STAU2: variants seen among roughly 807,000 people sequenced by gnomAD.
STAU2 encodes the protein double-stranded RNA-binding protein Staufen homolog 2.
A neutral mutation model predicts 65.9 loss-of-function variants in STAU2; 20 were observed. The observed-to-expected ratio is 0.30, with a 90% CI of 0.21 to 0.44. The LOEUF is 0.44. STAU2 is among the 20% of genes least tolerant of loss of function. The pLI is 1.00. For missense variants in STAU2, 558 were observed against 683.9 expected, an observed-to-expected ratio of 0.82 and a Z score of 2.05; for synonymous variants, 232 against 233.9, an observed-to-expected ratio of 0.99 and a Z score of 0.07.
At chr8:73,437,024 A>G (rs1282671316) in intron 13 of STAU2, among the ~76,000 whole-genome samples, 2 of 152,196 alleles carry the variant, frequency 1.3e-5, no homozygotes, top group Non-Finnish European at 2.9e-5. Flanking sequence ...CTAAATTCCT[A>G]TGCGAACATT....
chr8:73,683,656 A>T (rs1818593925), intron 5 of STAU2, among the ~76,000 whole-genome samples: 1 of 152,194 alleles, frequency 6.6e-6, no homozygotes, highest in African/African-American at 2.4e-5. Context: ...ATCGATAAAG[A>T]GGAAGTCAAA....
chr8:73,535,545 T>C (rs1374860821), intron 13 of STAU2, among the ~76,000 whole-genome samples: 1 of 152,134 alleles, frequency 6.6e-6, no homozygotes, highest in Admixed American at 6.6e-5. Flanking sequence ...TAAATTACAC[T>C]TACACACACA....
At chr8:73,724,675 G>GTGTGTGTATATA (rs144911202) in intron 3 of STAU2, among the ~76,000 whole-genome samples, 1 of 138,102 alleles carries the variant, frequency 7.2e-6, no homozygotes, top group East Asian at 2.1e-4. Context: ...GTGTGTGTGT[G>GTGTGTGTATATA]TATATATATA....
At chr8:73,636,277 G>A (rs143085061) in intron 6 of STAU2, among the ~76,000 whole-genome samples, 16 of 151,896 alleles carry the variant, frequency 1.1e-4, no homozygotes, top group African/African-American at 3.6e-4. Context: ...CTCAGGAGGC[G>A]GAGGTGGGGG....
intron 6 of STAU2, among the ~76,000 whole-genome samples, chr8:73,623,746 T>G (rs1311780887): frequency 2.0e-5 from 3 of 152,218 alleles, no homozygotes; most frequent in Non-Finnish European, 2.9e-5. Flanking sequence ...AAACAGCAGG[T>G]TTTTATCATA....
At chr8:73,579,074 A>C (rs1264048289) in intron 12 of STAU2, among the ~76,000 whole-genome samples, 3 of 147,648 alleles carry the variant, frequency 2.0e-5, no homozygotes, top group Non-Finnish European at 3.0e-5. Flanking sequence ...ACCCAATGTC[A>C]TATCACTGGG....
chr8:73,423,532 C>A (rs1199499322), intron 13 of STAU2, among the ~76,000 whole-genome samples: 1 of 152,168 alleles, frequency 6.6e-6, no homozygotes, highest in Non-Finnish European at 1.5e-5. Flanking sequence ...CTGAGATGGG[C>A]ATGAGCAGGC....
intron 4 of STAU2, among the ~76,000 whole-genome samples, chr8:73,699,131 T>G (rs765541054): frequency 1.3e-5 from 2 of 151,962 alleles, no homozygotes; most frequent in African/African-American, 2.4e-5. Flanking sequence ...GAAAAATTCC[T>G]TGAAACGAAT....
At chr8:73,432,758 A>T (rs1817396109) in intron 13 of STAU2, among the ~76,000 whole-genome samples, 1 of 152,190 alleles carries the variant, frequency 6.6e-6, no homozygotes, top group Admixed American at 6.5e-5. Flanking sequence ...CCACGATCCT[A>T]TCAGTTCAGG....
Position 73,422,237 on chromosome 8 carries a change from A to G in STAU2, c.1619+377T>C, listed in dbSNP as rs116373631. Reference sequence around the variant, plus strand: ...TTCTTTTCTCTCCGCTTTGCCCACAACTTAGCAGGAATGTGAGTGAAAACT... The same window carrying G: ...TTCTTTTCTCTCCGCTTTGCCCACAGCTTAGCAGGAATGTGAGTGAAAACT... On this transcript the variant is annotated intron_variant, in intron 14 of 14. Coordinates refer to ENST00000524300, the MANE Select transcript of STAU2 (RefSeq NM_001164380.2). 6.5e-3 allele frequency among the ~76,000 whole-genome samples: 984 copies of G among 152,258 alleles called. 8 individuals are homozygous for G. Among genetic ancestry groups the G allele is most frequent in the African/African-American group, 0.023 (942 of 41,532 alleles).
intron 13 of STAU2, among the ~76,000 whole-genome samples, chr8:73,526,390 T>C (rs73326764): frequency 2.4e-4 from 37 of 152,314 alleles, no homozygotes; most frequent in African/African-American, 8.2e-4. Flanking sequence ...AAACAAACAA[T>C]GTCAGAGGCA....
At chr8:73,695,373 C>T in intron 4 of STAU2, among the ~76,000 whole-genome samples, 1 of 131,536 alleles carries the variant, frequency 7.6e-6, no homozygotes, top group South Asian at 2.5e-4. Flanking sequence ...CAGAAAGGAA[C>T]CCACTGCCTT....
intron 10 of STAU2, among the ~76,000 whole-genome samples, chr8:73,603,521 G>C (rs1256975686): frequency 6.6e-6 from 1 of 152,164 alleles, no homozygotes; most frequent in Non-Finnish European, 1.5e-5. Flanking sequence ...AGAGTCCCTT[G>C]GAAAACTCAT....
At position 73,722,452 on chromosome 8, in the gene STAU2, A is replaced by C. The variant is rs559693186; in HGVS notation, c.-17-13290T>G. Among the ~76,000 whole-genome samples the C allele has an allele frequency of 2.6e-5, 4 of 152,368 alleles. No individual in the cohort carries two copies. The East Asian group carries it at 7.7e-4, about 29-fold the overall frequency. On this transcript the variant is annotated intron_variant, in intron 3 of 14. Transcript: ENST00000524300. ...TTTCTTCCAGAGGGGAAATGTTAGC[A>C]ATAAATTCTTTCTGCTTCTGTGTTG...
chr8:73,614,814 C>T (rs564095563), intron 8 of STAU2, among the ~76,000 whole-genome samples: 2 of 152,020 alleles, frequency 1.3e-5, no homozygotes, highest in Admixed American at 1.3e-4. Context: ...CCAAATTTTC[C>T]GTATCATTTC....
At chr8:73,567,910 T>C (rs1808740532) in intron 12 of STAU2, among the ~76,000 whole-genome samples, 1 of 152,080 alleles carries the variant, frequency 6.6e-6, no homozygotes, top group Non-Finnish European at 1.5e-5. Context: ...GACTCGTCTT[T>C]CAATAAGCAA....
chr8:73,486,673 A>G (rs1820931398), intron 13 of STAU2, among the ~76,000 whole-genome samples: 3 of 135,496 alleles, frequency 2.2e-5, no homozygotes. Flanking sequence ...TTTTTTTTTG[A>G]GACAGGGTCT....
At chr8:73,645,367 A>G (rs1815292976) in intron 6 of STAU2, among the ~76,000 whole-genome samples, 1 of 152,230 alleles carries the variant, frequency 6.6e-6, no homozygotes, top group African/African-American at 2.4e-5. Context: ...TTGATGCAGC[A>G]AAACATTTAA....
chr8:73,746,457 C>G (rs968043457), intron 1 of STAU2, among the ~76,000 whole-genome samples: 1 of 151,986 alleles, frequency 6.6e-6, no homozygotes, highest in Non-Finnish European at 1.5e-5. Context: ...ACCTCCGCAC[C>G]CCCACTTGGC....
Sources: gnomAD v4.1 joint callset for allele counts (sites outside exome capture counted in the v4.1 genomes callset) on GRCh38, gnomAD v4.1.1 for gene constraint, MANE v1.5 for transcripts, NCBI Gene and HGNC (gene_info 2026-07-23, HGNC 2026-07-21) for gene names.